Variants in ALCAM observed in about 807,000 individuals in gnomAD.
The protein encoded by ALCAM is CD166 antigen.
ALCAM carries 30 observed loss-of-function variants against 70.9 expected under a neutral mutation model. The ratio of observed to expected loss-of-function variants is 0.42; its 90% CI spans 0.32 to 0.57. The LOEUF (loss-of-function observed/expected upper bound fraction) is 0.57. Ranked by LOEUF, ALCAM falls within the 20% of genes least tolerant of loss-of-function variation. The pLI is 0.11. For missense variants in ALCAM, 591 were observed against 695.1 expected, an observed-to-expected ratio of 0.85 and a Z score of 1.68; for synonymous variants, 249 against 242.5, an observed-to-expected ratio of 1.03 and a Z score of -0.25.
intron 1 of ALCAM, among the ~76,000 whole-genome samples, chr3:105,481,734 A>C (rs950054247): frequency 2.0e-5 from 3 of 152,168 alleles, no homozygotes; most frequent in African/African-American, 7.2e-5. Flanking sequence ...GTTAGGAATC[A>C]GAGGTTTTCT....
At chr3:105,479,948 A>C (rs1314891651) in intron 1 of ALCAM, among the ~76,000 whole-genome samples, 1 of 152,194 alleles carries the variant, frequency 6.6e-6, no homozygotes, top group Non-Finnish European at 1.5e-5. Flanking sequence ...ACAAATCAAA[A>C]TAGGTTAGCC....
At chr3:105,493,768 A>T (rs1938654754) in intron 1 of ALCAM, among the ~76,000 whole-genome samples, 2 of 152,168 alleles carry the variant, frequency 1.3e-5, no homozygotes, top group Non-Finnish European at 2.9e-5. Flanking sequence ...TATGACAATA[A>T]ATTTGTATTG....
In ALCAM at chr3:105,370,858, C is replaced by T. The variant is rs189108117; in HGVS notation, c.73+3377C>T. Among the ~76,000 whole-genome samples, 48 of 152,156 alleles carry T rather than the reference C, an allele frequency of 3.2e-4. 1 individual carries two copies. The East Asian group carries it at 6.0e-3, about 19-fold the overall frequency. ...AACTCATCTCTCCTGCAAACCTGTT[C>T]CTATATAAACTGCATACATAGTACC... On this transcript the variant is annotated intron_variant, in intron 1 of 15. Coordinates refer to ENST00000306107, the MANE Select transcript of ALCAM (RefSeq NM_001627.4).
At chr3:105,523,872 T>C (rs371609415) in intron 2 of ALCAM, among the ~76,000 whole-genome samples, 168 of 152,342 alleles carry the variant, frequency 1.1e-3, no homozygotes, top group African/African-American at 3.9e-3. Flanking sequence ...AAATAAAGAA[T>C]ATTCCAAAGA....
chr3:105,410,893 A>C (rs1349428129), intron 1 of ALCAM, among the ~76,000 whole-genome samples: 1 of 152,102 alleles, frequency 6.6e-6, no homozygotes, highest in Non-Finnish European at 1.5e-5. Context: ...TTTGACATCA[A>C]CTTACAGAGG....
intron 1 of ALCAM, among the ~76,000 whole-genome samples, chr3:105,402,938 C>CTTCTTTTTTTTTTTTTTTTTT (rs1936124536): frequency 2.6e-5 from 3 of 117,254 alleles, no homozygotes; most frequent in Non-Finnish European, 1.8e-5. Flanking sequence ...AGCTGATGCG[C>CTTCTTTTTTTTTTTTTTTTTT]TTTTTTTTTT....
chr3:105,442,342 C>A (rs1057053048), intron 1 of ALCAM, among the ~76,000 whole-genome samples: 6 of 151,800 alleles, frequency 4.0e-5, no homozygotes, highest in African/African-American at 1.2e-4. Context: ...AGGATGTTAG[C>A]CAAGTAAATT....
chr3:105,516,991 A>T (rs188781487), intron 1 of ALCAM, among the ~76,000 whole-genome samples: 27 of 152,242 alleles, frequency 1.8e-4, no homozygotes, highest in Admixed American at 1.8e-3. Context: ...ATTCAAAGAT[A>T]AAAAGCTGTT....
At chr3:105,506,769 A>G (rs1326559871) in intron 1 of ALCAM, among the ~76,000 whole-genome samples, 1 of 152,264 alleles carries the variant, frequency 6.6e-6, no homozygotes, top group Non-Finnish European at 1.5e-5. Context: ...TAAAATGGAA[A>G]GATGAACCAA....
At chr3:105,492,804 G>C (rs922234565) in intron 1 of ALCAM, among the ~76,000 whole-genome samples, 2 of 151,896 alleles carry the variant, frequency 1.3e-5, no homozygotes, top group African/African-American at 4.8e-5. Context: ...ACAAAAAAGG[G>C]GAAAGAAAAG....
chr3:105,555,892 TA>T (rs1009473805), intron 14 of ALCAM, among the ~76,000 whole-genome samples: 21 of 151,744 alleles, frequency 1.4e-4, no homozygotes, highest in African/African-American at 5.1e-4. Context: ...AGTTTTTTGT[TA>T]AAAAAAACTG....
chr3:105,372,864 T>C (rs966732913), intron 1 of ALCAM, among the ~76,000 whole-genome samples: 9 of 152,102 alleles, frequency 5.9e-5, no homozygotes, highest in African/African-American at 2.2e-4. Flanking sequence ...AACTAAACCT[T>C]TGCAATCTTC....
intron 1 of ALCAM, among the ~76,000 whole-genome samples, chr3:105,518,122 A>G (rs1283889934): frequency 2.6e-5 from 4 of 152,058 alleles, no homozygotes; most frequent in Non-Finnish European, 5.9e-5. Context: ...GAATTTTCTT[A>G]TTTCCCTTTA....
At chr3:105,506,947 C>T (rs1939095593) in intron 1 of ALCAM, among the ~76,000 whole-genome samples, 1 of 151,540 alleles carries the variant, frequency 6.6e-6, no homozygotes, top group African/African-American at 2.5e-5. Flanking sequence ...AGACTGGAAT[C>T]ACCTCTGCTA....
At chr3:105,566,281 C>A (rs925638141) in intron 14 of ALCAM, among the ~76,000 whole-genome samples, 18 of 152,070 alleles carry the variant, frequency 1.2e-4, no homozygotes, top group African/African-American at 4.3e-4. Context: ...AATTGTCTTA[C>A]CAATTATTGA....
At chr3:105,528,693 C>A (rs370982275) in intron 3 of ALCAM, among the ~76,000 whole-genome samples, 1 of 152,108 alleles carries the variant, frequency 6.6e-6, no homozygotes, top group African/African-American at 2.4e-5. Context: ...AACACATGGG[C>A]ACATAGAGGA....
intron 1 of ALCAM, among the ~76,000 whole-genome samples, chr3:105,397,095 G>T (rs62263560): frequency 0.16 from 23,696 of 151,940 alleles, 2,116 homozygotes; most frequent in Non-Finnish European, 0.21. Context: ...TTCACACAAA[G>T]AAATACAATA....
intron 1 of ALCAM, among the ~76,000 whole-genome samples, chr3:105,435,597 A>C (rs1937031827): frequency 6.6e-6 from 1 of 152,220 alleles, no homozygotes; most frequent in South Asian, 2.1e-4. Context: ...ACTAGATTAC[A>C]TAAAAATGAA....
chr3:105,422,516 T>C (rs576402072), intron 1 of ALCAM, among the ~76,000 whole-genome samples: 7 of 151,444 alleles, frequency 4.6e-5, no homozygotes, highest in African/African-American at 1.4e-4. Context: ...TTTATAGCCT[T>C]GGGCAAAAAA....
Sources: gnomAD v4.1 joint callset for allele counts (sites outside exome capture counted in the v4.1 genomes callset) on GRCh38, gnomAD v4.1.1 for gene constraint, MANE v1.5 for transcripts, NCBI Gene and HGNC (gene_info 2026-07-23, HGNC 2026-07-21) for gene names.